The following CFAP299 variants were observed in gnomAD, a reference collection of about 807,000 sequenced individuals.
The protein encoded by CFAP299 is cilia- and flagella-associated protein 299.
A neutral mutation model predicts 27.0 loss-of-function variants in CFAP299; 21 were observed. The ratio of observed to expected loss-of-function variants is 0.78; its 90% CI spans 0.55 to 1.12. The LOEUF (loss-of-function observed/expected upper bound fraction) is 1.12. Among genes scored for constraint, CFAP299 ranks in the 50% most tolerant of loss-of-function variants. CFAP299 has a pLI of 0.00. For synonymous variants in CFAP299, 104 were observed against 98.1 expected (o/e 1.06, Z -0.36); for missense variants, 310 against 276.6 (o/e 1.12, Z -0.86).
At chr4:80,711,541 C>T (rs1722172852) in intron 3 of CFAP299, among the ~76,000 whole-genome samples, 1 of 152,030 alleles carries the variant, frequency 6.6e-6, no homozygotes, top group African/African-American at 2.4e-5. Flanking sequence ...AGTCATAGAC[C>T]CAACAGGTAG....
chr4:80,707,908 A>C (rs1380862475), intron 3 of CFAP299, among the ~76,000 whole-genome samples: 7 of 152,220 alleles, frequency 4.6e-5, no homozygotes, highest in African/African-American at 1.7e-4. Context: ...AGCTGTGATG[A>C]ATCAGTAATT....
Position 80,390,648 on chromosome 4 carries a change from T to G in CFAP299, c.242+27764T>G, listed in dbSNP as rs141417602. On this transcript the variant is annotated intron_variant, in intron 2 of 5. Transcript: ENST00000358105. The stretch of plus-strand genomic sequence containing the variant: ...GTATATATGTATACACATATATGTA[T>G]GTACACACATATGTATATATGTATA... 8.7e-4 allele frequency among the ~76,000 whole-genome samples: 102 copies of G among 116,928 alleles called. 1 individual carries two copies. The highest frequency in any genetic ancestry group is 3.2e-3 in the African/African-American group (94 of 29,680). 76.7% of individuals were successfully genotyped at this position (116,928 alleles called of 152,430 possible). A position where few individuals can be genotyped will look rare whatever the true frequency, so the allele number is the denominator to read the frequency against.
chr4:80,610,308 A>T (rs1737900346), intron 3 of CFAP299, among the ~76,000 whole-genome samples: 1 of 152,108 alleles, frequency 6.6e-6, no homozygotes, highest in Non-Finnish European at 1.5e-5. Context: ...ACCCAGCAGC[A>T]CTTCCAGTGT....
chr4:80,567,653 G>A (rs972940529), intron 2 of CFAP299, among the ~76,000 whole-genome samples: 3 of 151,676 alleles, frequency 2.0e-5, no homozygotes, highest in African/African-American at 7.3e-5. Context: ...GATGCTCAAA[G>A]GAAAGGAGCT....
At chr4:80,963,486 C>T in intron 5 of CFAP299, 31 bp from the exon 6 acceptor site, 1 of 1,446,564 alleles carries the variant, frequency 6.9e-7, no homozygotes, top group Non-Finnish European at 9.5e-7. Context: ...TTTTTATAGA[C>T]TTGACTAACA....
chr4:80,722,454 A>T (rs573798338), intron 3 of CFAP299, among the ~76,000 whole-genome samples: 2 of 152,014 alleles, frequency 1.3e-5, no homozygotes, highest in African/African-American at 2.4e-5. Flanking sequence ...AGAAAACCTG[A>T]TAAATTGGAC....
chr4:80,330,049 G>A, the CFAP299 span, among the ~76,000 whole-genome samples: 1 of 152,068 alleles, frequency 6.6e-6, no homozygotes, highest in Non-Finnish European at 1.5e-5. Flanking sequence ...CCATGCCATT[G>A]TATTTCTTAT....
intron 1 of CFAP299, among the ~76,000 whole-genome samples, chr4:80,341,283 C>T (rs753026082): frequency 3.3e-5 from 5 of 152,224 alleles, no homozygotes; most frequent in African/African-American, 4.8e-5. Flanking sequence ...AGAGTCCAGG[C>T]AGTGTGGATG....
chr4:80,893,592 T>C (rs1734453757), intron 4 of CFAP299, among the ~76,000 whole-genome samples: 2 of 151,334 alleles, frequency 1.3e-5, no homozygotes, highest in South Asian at 4.2e-4. Context: ...CTTCAACAAA[T>C]GTATCAAGAA....
At chr4:80,443,092 A>C (rs1372404561) in intron 2 of CFAP299, among the ~76,000 whole-genome samples, 1 of 152,212 alleles carries the variant, frequency 6.6e-6, no homozygotes, top group Non-Finnish European at 1.5e-5. Context: ...TTCACAGCCG[A>C]ATTCTCCCAG....
intron 3 of CFAP299, among the ~76,000 whole-genome samples, chr4:80,705,110 C>T (rs187914994): frequency 4.9e-4 from 74 of 151,856 alleles, no homozygotes; most frequent in Middle Eastern, 6.8e-3. Flanking sequence ...AAAACACGAC[C>T]TTCTCTTTGC....
At chr4:80,941,162 G>C (rs1176474413) in intron 4 of CFAP299, among the ~76,000 whole-genome samples, 2 of 152,090 alleles carry the variant, frequency 1.3e-5, no homozygotes, top group African/African-American at 4.8e-5. Flanking sequence ...TTGTTACACT[G>C]TACTGTTTAG....
intron 2 of CFAP299, among the ~76,000 whole-genome samples, chr4:80,424,093 T>C (rs1323229032): frequency 6.6e-6 from 1 of 152,214 alleles, no homozygotes; most frequent in Non-Finnish European, 1.5e-5. Context: ...TGTGGATGTG[T>C]GTCCTCCTGA....
At position 80,488,758 on chromosome 4, in the gene CFAP299, G is replaced by A. The variant is rs563970151; in HGVS notation, c.243-94335G>A. Among the ~76,000 whole-genome samples, 3 of 152,302 alleles carry A rather than the reference G, an allele frequency of 2.0e-5. No homozygotes were observed. In the South Asian group the frequency reaches 6.2e-4, roughly 32 times the overall value. ...CCCAAAGTGCTGGGATTACAGGCGT[G>A]AGCCACCGCACCCGGCCGGTAACCA... On this transcript the variant is annotated intron_variant, in intron 2 of 5. Coordinates refer to ENST00000358105, the MANE Select transcript of CFAP299 (RefSeq NM_152770.3).
At chr4:80,861,131 A>T (rs572008752) in intron 3 of CFAP299, among the ~76,000 whole-genome samples, 7 of 152,208 alleles carry the variant, frequency 4.6e-5, no homozygotes, top group Non-Finnish European at 8.8e-5. Flanking sequence ...CCCCTCCCCC[A>T]GCCTCGCTGC....
intron 3 of CFAP299, among the ~76,000 whole-genome samples, chr4:80,633,650 G>A (rs1739333683): frequency 6.6e-6 from 1 of 152,070 alleles, no homozygotes. Flanking sequence ...AATACTGCCA[G>A]GAATGCTGAT....
Position 80,955,031 on chromosome 4 carries a change from A to G in CFAP299, c.607-8486A>G, listed in dbSNP as rs4693759. ...AAAAAAAAAAAAAAAAAAAAAAAAA[A>G]AAACGCACACATGGCCATATACAGA... On this transcript the variant is annotated intron_variant, in intron 5 of 5. Coordinates refer to ENST00000358105, the MANE Select transcript of CFAP299 (RefSeq NM_152770.3). 6.8e-5 allele frequency among the ~76,000 whole-genome samples: 2 copies of G among 29,620 alleles called. 1 individual carries two copies. The highest frequency in any genetic ancestry group is 2.7e-4 in the African/African-American group (2 of 7,514). 19.4% of individuals were successfully genotyped at this position (29,620 alleles called of 152,430 possible).
intron 4 of CFAP299, among the ~76,000 whole-genome samples, chr4:80,903,498 G>GA (rs1485839834): frequency 2.0e-5 from 3 of 151,594 alleles, no homozygotes; most frequent in African/African-American, 4.8e-5. Flanking sequence ...TCCAGAAAGG[G>GA]AAAAAAACTA....
At chr4:80,363,266 A>C (rs1427634785) in intron 2 of CFAP299, among the ~76,000 whole-genome samples, 1 of 152,170 alleles carries the variant, frequency 6.6e-6, no homozygotes, top group Non-Finnish European at 1.5e-5. Context: ...ACATTTTTCT[A>C]AGCATTAATT....
Sources: allele counts gnomAD v4.1 joint callset (sites outside exome capture counted in the v4.1 genomes callset), GRCh38; gene constraint gnomAD v4.1.1; transcripts MANE v1.5; gene names NCBI Gene and HGNC (gene_info 2026-07-23, HGNC 2026-07-21).